ATP2A1: variants seen among roughly 807,000 people sequenced by gnomAD.
ATP2A1 encodes the protein ATPase sarcoplasmic/endoplasmic reticulum Ca2+ transporting 1, also known as sarcoplasmic/endoplasmic reticulum calcium ATPase 1.
In ATP2A1, 83 loss-of-function variants were observed where a neutral mutation model predicts 109.5. That is an observed-to-expected ratio of 0.76 (90% CI 0.63 to 0.91). The LOEUF (loss-of-function observed/expected upper bound fraction) is 0.91. Among genes scored for constraint, ATP2A1 ranks in the 40% least tolerant of loss-of-function variants. The pLI is 0.00. For synonymous variants in ATP2A1, 505 were observed against 537.6 expected (o/e 0.94, Z 0.84); for missense variants, 1,101 against 1,341.0 (o/e 0.82, Z 2.80).
chr16:28,887,285 C>T lies in ATP2A1; in HGVS notation c.630+11C>T, dbSNP rs201144100. ...AACATGCTTTTCTCGGTGAGCAATC[C>T]GGGACCAGCCATCACACACTCAGTC... On this transcript the variant is annotated intron_variant, in intron 7 of 22. Coordinates refer to ENST00000395503, the MANE Select transcript of ATP2A1 (RefSeq NM_004320.6). 151 of 1,613,876 alleles carry T rather than the reference C, an allele frequency of 9.4e-5. 3 individuals are homozygous for T. The highest frequency in any genetic ancestry group is 6.5e-4 in the East Asian group (29 of 44,876).
rs551817195 is a variant in ATP2A1 at position 28,900,659 on chromosome 16, C to G, written c.1843C>G (p.Arg615Gly). The G allele has an allele frequency of 6.2e-7, 1 of 1,609,068 alleles. No homozygotes were observed. Among genetic ancestry groups the G allele is most frequent in the Non-Finnish European group, 8.5e-7 (1 of 1,176,248 alleles). Residue 615 changes from arginine to glycine, a missense_variant, in exon 15 of 23, where the codon CGT becomes GGT. Arg to Gly is a moderately radical substitution (Grantham distance 125). Coordinates refer to ENST00000395503, the MANE Select transcript of ATP2A1 (RefSeq NM_004320.6). Reference sequence around the variant, plus strand: ...GGTCACGGGCTCCATCCAGCTGTGCCGTGACGCCGGGATCCGGGTGATCAT... The same window carrying G: ...GGTCACGGGCTCCATCCAGCTGTGCGGTGACGCCGGGATCCGGGTGATCAT... Reference protein sequence around the residue: ...KEVTGSIQLCRDAGIRVIMIT... With the variant: ...KEVTGSIQLCGDAGIRVIMIT...
At chr16:28,886,994 A>G (rs942688506) in intron 6 of ATP2A1, among the ~76,000 whole-genome samples, 195 bp from the exon 7 acceptor site, 1 of 141,344 alleles carries the variant, frequency 7.1e-6, no homozygotes, top group Admixed American at 7.2e-5. Context: ...CTCTGTCTCA[A>G]AAAAAAAAAA....
chr16:28,882,632 G>T (rs1216762308), intron 5 of ATP2A1, 43 bp downstream of exon 5: 1 of 1,610,810 alleles, frequency 6.2e-7, no homozygotes, highest in South Asian at 1.1e-5. Context: ...AGGCCTTGGG[G>T]CTGAGGCCTA....
At position 28,894,188 on chromosome 16, in the gene ATP2A1, T is replaced by C; in HGVS notation, c.1129T>C (p.Cys377Arg). 3 of 1,614,046 alleles carry C rather than the reference T, an allele frequency of 1.9e-6. No individual in the cohort carries two copies. The highest frequency in any genetic ancestry group is 2.5e-6 in the Non-Finnish European group (3 of 1,180,002). The change falls in exon 10 of 23, where the codon TGC becomes CGC. Residue 377 changes from cysteine to arginine, a missense_variant. Transcript: ENST00000395503. ...FIIDKVDGDI[C>R]LLNEFSITGS... is the part of the protein sequence containing the mutation. ...CATTGACAAGGTGGATGGGGACATC[T>C]GCCTCCTGAATGAGTTCTCCATCAC... is the stretch of plus-strand genomic sequence containing the variant.
rs759217913 is a variant in ATP2A1 at position 28,901,875 on chromosome 16, G to A, written c.2113G>A (p.Val705Ile). 1.1e-5 allele frequency: 18 copies of A among 1,613,814 alleles called. No individual in the cohort carries two copies. Among genetic ancestry groups the A allele is most frequent in the South Asian group, 2.2e-5 (2 of 91,030 alleles). The stretch of plus-strand genomic sequence containing the variant: ...CCTCCTCCCTCAGACAGGTGATGGC[G>A]TCAATGACGCCCCTGCCCTGAAGAA... Reference protein sequence around the residue: ...DEITAMTGDGVNDAPALKKAE... With the variant: ...DEITAMTGDGINDAPALKKAE... The change falls in exon 16 of 23, where the codon GTC becomes ATC. Residue 705 changes from valine (V) to isoleucine (I), a missense_variant. Physicochemically the swap from Val to Ile is conservative, Grantham distance 29. Coordinates refer to ENST00000395503, the MANE Select transcript of ATP2A1 (RefSeq NM_004320.6).
In ATP2A1 at chr16:28,878,747, C is replaced by A; in HGVS notation, c.76C>A (p.Pro26Thr). The change falls in exon 1 of 23, where the codon CCG (proline) becomes ACG (threonine). Residue 26 changes from proline to threonine, a missense_variant. By Grantham distance (38) the Pro-to-Thr change is conservative (BLOSUM62 -1). Coordinates refer to ENST00000395503, the MANE Select transcript of ATP2A1 (RefSeq NM_004320.6). ...GGTGAGTGAGACCACGGGCCTCACCCCGGACCAAGTTAAGCGGAATCTGGA... is the reference window on the plus strand; with the variant it reads ...GGTGAGTGAGACCACGGGCCTCACCACGGACCAAGTTAAGCGGAATCTGGA... ...FGVSETTGLT[P>T]DQVKRNLEKY... 1 of 1,613,768 alleles carries A rather than the reference C, an allele frequency of 6.2e-7. No individual in the cohort carries two copies. Among genetic ancestry groups the A allele is most frequent in the Non-Finnish European group, 8.5e-7 (1 of 1,179,860 alleles).
intron 6 of ATP2A1, among the ~76,000 whole-genome samples, chr16:28,886,022 C>G (rs1345384496): frequency 1.3e-5 from 2 of 151,704 alleles, no homozygotes; most frequent in Non-Finnish European, 2.9e-5. Context: ...ATTTTTTTAA[C>G]TAGCTGGGTG....
At position 28,904,276 on chromosome 16, in the gene ATP2A1, C is replaced by CG; in HGVS notation, c.*135dup. 1 of 1,612,288 alleles carries CG rather than the reference C, an allele frequency of 6.2e-7. No homozygotes were observed. Reference sequence around the variant, plus strand: ...CAGGCAGAGCTGTGGCACAGACCCCCGTCCTGTCCCCCACACCCGTGTCAT... The same window carrying CG: ...CAGGCAGAGCTGTGGCACAGACCCCCGGTCCTGTCCCCCACACCCGTGTCAT... On this transcript the variant is annotated 3_prime_UTR_variant, in exon 23 of 23. Transcript: ENST00000395503.
At position 28,903,748 on chromosome 16, in the gene ATP2A1, C is replaced by A. The variant is rs1444906738; in HGVS notation, c.*37+7C>A. 1.2e-6 allele frequency: 2 copies of A among 1,613,166 alleles called. No individual in the cohort carries two copies. Among genetic ancestry groups the A allele is most frequent in the Non-Finnish European group, 1.7e-6 (2 of 1,179,176 alleles). Reference sequence around the variant, plus strand: ...CTCTGAGCCCGTGTCACAGGTATCACCCCCTTCTTGCCCTCAGCCCAGCTG... The same window carrying A: ...CTCTGAGCCCGTGTCACAGGTATCAACCCCTTCTTGCCCTCAGCCCAGCTG... On this transcript the variant is annotated splice_region_variant and intron_variant, in intron 22 of 22. Coordinates refer to ENST00000395503, the MANE Select transcript of ATP2A1 (RefSeq NM_004320.6). The surrounding 1 kb of genome is among the most constrained non-coding windows in gnomAD (Gnocchi z 5.6).
intron 8 of ATP2A1, 118 bp from the exon 9 acceptor site, chr16:28,888,669 T>G: frequency 8.0e-7 from 1 of 1,244,608 alleles, no homozygotes; most frequent in Non-Finnish European, 1.1e-6. Context: ...CCTCCCAAAG[T>G]GCTAGGATTA....
At chr16:28,888,067 C>T (rs1963666875) in intron 8 of ATP2A1, among the ~76,000 whole-genome samples, 1 of 152,224 alleles carries the variant, frequency 6.6e-6, no homozygotes, top group Non-Finnish European at 1.5e-5. Flanking sequence ...TCCCAAAGTG[C>T]TGGGATTACA....
At position 28,898,804 on chromosome 16, in the gene ATP2A1, A is replaced by G. The variant is rs1567489376; in HGVS notation, c.1764+353A>G. 6.6e-6 allele frequency among the ~76,000 whole-genome samples: 1 copy of G among 152,114 alleles called. No individual in the cohort carries two copies. The highest frequency in any genetic ancestry group is 1.5e-5 in the Non-Finnish European group (1 of 68,024). ...TAGGGGTCTGGGTAAAAAGTAAAAT[A>G]CATTTTTAAAAATGTTAAAAGAAAA... On this transcript the variant is annotated intron_variant, in intron 14 of 22. Coordinates refer to ENST00000395503, the MANE Select transcript of ATP2A1 (RefSeq NM_004320.6). The surrounding 1 kb of genome is among the most constrained non-coding windows in gnomAD (Gnocchi z 4.0).
Position 28,902,324 on chromosome 16 carries a change from C to G in ATP2A1, c.2462C>G (p.Pro821Arg), listed in dbSNP as rs774562744. The G allele has an allele frequency of 4.3e-6, 7 of 1,614,136 alleles. No homozygotes were observed. The highest frequency in any genetic ancestry group is 5.9e-6 in the Non-Finnish European group (7 of 1,180,004). ...GACCTGGACATCATGGACCGCCCCC[C>G]CCGGAGCCCCAAGGAGCCCCTCATC... Reference protein sequence around the residue: ...PPDLDIMDRPPRSPKEPLISG... With the variant: ...PPDLDIMDRPRRSPKEPLISG... The change falls in exon 17 of 23, where the codon CCC (proline) becomes CGC (arginine). Residue 821 changes from proline to arginine, a missense_variant. Pro to Arg is a moderately radical substitution (Grantham distance 103, BLOSUM62 -2). Coordinates refer to ENST00000395503, the MANE Select transcript of ATP2A1 (RefSeq NM_004320.6). This position sits in a 1 kb window ranked among gnomAD's most constrained non-coding sequence, Gnocchi z 4.8.
chr16:28,883,762 C>A lies in ATP2A1; in HGVS notation c.464-813C>A, dbSNP rs2152201193. On this transcript the variant is annotated intron_variant, in intron 5 of 22. Coordinates refer to ENST00000395503, the MANE Select transcript of ATP2A1 (RefSeq NM_004320.6). This position sits in a 1 kb window ranked among gnomAD's most constrained non-coding sequence, Gnocchi z 5.2. ...AGCCTGTGCTGCCCGCCCCACTCTTCCACACCTGTTTCCTGCCCAACCCCC... is the reference window on the plus strand; with the variant it reads ...AGCCTGTGCTGCCCGCCCCACTCTTACACACCTGTTTCCTGCCCAACCCCC... Among the ~76,000 whole-genome samples the A allele has an allele frequency of 6.6e-6, 1 of 152,252 alleles. No individual in the cohort carries two copies. Among genetic ancestry groups the A allele is most frequent in the Admixed American group, 6.5e-5 (1 of 15,296 alleles).
Position 28,894,613 on chromosome 16 carries a change from C to A in ATP2A1, c.1287+6C>A. ...CCTCCTTGGACTTCAACGAGGTAAC[C>A]TCTCCTTCCCCTTCCAGTTGGCTCA... On this transcript the variant is annotated splice_donor_region_variant and intron_variant, in intron 11 of 22. Coordinates refer to ENST00000395503, the MANE Select transcript of ATP2A1 (RefSeq NM_004320.6). 6.2e-7 allele frequency: 1 copy of A among 1,613,900 alleles called. No individual in the cohort carries two copies. Among genetic ancestry groups the A allele is most frequent in the Non-Finnish European group, 8.5e-7 (1 of 1,179,856 alleles).
chr16:28,889,383 A>T (rs189670945), intron 9 of ATP2A1, among the ~76,000 whole-genome samples: 29 of 152,132 alleles, frequency 1.9e-4, no homozygotes, highest in African/African-American at 6.7e-4. Flanking sequence ...CAGCCTCCCT[A>T]GTAGCTGGGA....
chr16:28,891,999 C>G (rs1324254542), intron 9 of ATP2A1, among the ~76,000 whole-genome samples: 1 of 151,914 alleles, frequency 6.6e-6, no homozygotes, highest in Non-Finnish European at 1.5e-5. Context: ...TTTTTAAAAA[C>G]AACTTTGTAA....
chr16:28,887,634 C>T lies in ATP2A1; in HGVS notation c.840C>T (p.Asn280=), dbSNP rs145160426. The T allele has an allele frequency of 2.9e-5, 47 of 1,614,150 alleles. No homozygotes were observed. Among genetic ancestry groups the T allele is most frequent in the East Asian group, 8.9e-5 (4 of 44,874 alleles). ...AVWLINIGHF[N]DPVHGGSWFR... is the part of the protein sequence containing the mutation. ...GGCTTATCAACATTGGCCACTTCAACGACCCCGTCCATGGGGGCTCCTGGT... is the reference window on the plus strand; with the variant it reads ...GGCTTATCAACATTGGCCACTTCAATGACCCCGTCCATGGGGGCTCCTGGT... The change falls in exon 8 of 23, where the codon AAC becomes AAT. Residue 280 remains asparagine (N), a synonymous_variant. Transcript: ENST00000395503.
At position 28,883,659 on chromosome 16, in the gene ATP2A1, C is replaced by T. The variant is rs1222630067; in HGVS notation, c.464-916C>T. ...CTGGCTGGGCATCCACCTCTCCAGCCCCCCGACAAGGTGGTTTCCATGGCC... is the reference window on the plus strand; with the variant it reads ...CTGGCTGGGCATCCACCTCTCCAGCTCCCCGACAAGGTGGTTTCCATGGCC... On this transcript the variant is annotated intron_variant, in intron 5 of 22. Coordinates refer to ENST00000395503, the MANE Select transcript of ATP2A1 (RefSeq NM_004320.6). This position sits in a 1 kb window ranked among gnomAD's most constrained non-coding sequence, Gnocchi z 5.2. Among the ~76,000 whole-genome samples, 1 of 152,130 alleles carries T rather than the reference C, an allele frequency of 6.6e-6. No homozygotes were observed. Among genetic ancestry groups the T allele is most frequent in the Non-Finnish European group, 1.5e-5 (1 of 68,026 alleles).
Sources: gnomAD v4.1 joint callset for allele counts (sites outside exome capture counted in the v4.1 genomes callset) on GRCh38, gnomAD v4.1.1 for gene constraint, Gnocchi (gnomAD v3.1) non-coding constraint, MANE v1.5 for transcripts, NCBI Gene and HGNC (gene_info 2026-07-23, HGNC 2026-07-21) for gene names.